Variants in THTPA observed in about 807,000 individuals in gnomAD.
THTPA encodes thiamine-triphosphatase.
Under a neutral mutation model 16.5 loss-of-function variants are expected in THTPA, and 16 were observed. The observed-to-expected ratio is 0.97, with a 90% CI of 0.66 to 1.47. THTPA has a LOEUF of 1.47. THTPA is among the 40% of genes most tolerant of loss of function. The probability of loss-of-function intolerance (pLI) is 0.00; values close to 1 mark genes in which losing one functional copy is unlikely to be tolerated. For synonymous variants in THTPA, 110 were observed against 115.5 expected (o/e 0.95, Z 0.30); for missense variants, 281 against 280.9 (o/e 1.00, Z 0.00).
At chr14:23,524,243 A>C in the THTPA span, 1 of 1,536,180 alleles carries the variant, frequency 6.5e-7, no homozygotes, top group Non-Finnish European at 8.7e-7. This position sits in a 1 kb window ranked among gnomAD's most constrained non-coding sequence, Gnocchi z 5.6. Flanking sequence ...GACCTGTACC[A>C]CTCGCTTTTT....
the THTPA span, chr14:23,522,285 C>G: frequency 6.7e-7 from 1 of 1,502,492 alleles, no homozygotes; most frequent in Non-Finnish European, 8.9e-7. Context: ...TGGGCAGTAG[C>G]CGGGGCCTCC....
At chr14:23,548,333 G>C in the THTPA span, 1 of 152,188 alleles carries the variant, frequency 6.6e-6, no homozygotes, top group Non-Finnish European at 1.5e-5. Flanking sequence ...GTTGTTCTGA[G>C]CTGGGAAGAG....
chr14:23,551,902 C>G (rs1390449422), upstream of THTPA, among the ~76,000 whole-genome samples: 1 of 152,204 alleles, frequency 6.6e-6, no homozygotes, highest in Non-Finnish European at 1.5e-5. This position sits in a 1 kb window ranked among gnomAD's most constrained non-coding sequence, Gnocchi z 5.3. Context: ...GCAGGCCGGC[C>G]AGCCCACCAG....
the THTPA span, chr14:23,523,098 G>A: frequency 7.1e-7 from 1 of 1,404,722 alleles, no homozygotes; most frequent in Non-Finnish European, 9.2e-7. This position sits in a 1 kb window ranked among gnomAD's most constrained non-coding sequence, Gnocchi z 4.1. Flanking sequence ...GCAAAGGAAG[G>A]CCACAGGAGA....
chr14:23,522,543 C>A, the THTPA span: 1 of 1,527,244 alleles, frequency 6.5e-7, no homozygotes, highest in Admixed American at 2.0e-5. Context: ...GGAAATAGCC[C>A]CTTCTTCATG....
chr14:23,522,254 A>T, the THTPA span: 54 of 1,482,006 alleles, frequency 3.6e-5, no homozygotes, highest in African/African-American at 6.4e-4. Flanking sequence ...GCCCCGCCCA[A>T]AGAAGCAGAA....
the THTPA span, chr14:23,524,947 G>A: frequency 6.5e-7 from 1 of 1,536,298 alleles, no homozygotes. The surrounding 1 kb of genome is among the most constrained non-coding windows in gnomAD (Gnocchi z 5.6). Flanking sequence ...CTCCCCCAGT[G>A]CCTCCTCCGG....
the THTPA span, chr14:23,524,994 C>G: frequency 6.5e-7 from 1 of 1,536,218 alleles, no homozygotes; most frequent in Non-Finnish European, 8.7e-7. The surrounding 1 kb of genome is among the most constrained non-coding windows in gnomAD (Gnocchi z 5.6). Context: ...TTTTTGCGTG[C>G]TTTCTGGCGG....
chr14:23,526,720 G>A, the THTPA span: 11 of 1,535,580 alleles, frequency 7.2e-6, no homozygotes, highest in East Asian at 2.4e-5. Flanking sequence ...AGGGAACTTC[G>A]TTTAAGCCAG....
chr14:23,526,379 G>A, the THTPA span: 1 of 1,536,368 alleles, frequency 6.5e-7, no homozygotes, highest in Non-Finnish European at 8.7e-7. Flanking sequence ...ATAGGGCCGG[G>A]CAGGGTCGAG....
chr14:23,534,666 G>A, the THTPA span: 2 of 1,536,206 alleles, frequency 1.3e-6, no homozygotes, highest in Non-Finnish European at 1.7e-6. This position sits in a 1 kb window ranked among gnomAD's most constrained non-coding sequence, Gnocchi z 4.5. Flanking sequence ...GGCCATCTTT[G>A]GGATCTCCGG....
chr14:23,525,376 G>A, the THTPA span: 1 of 1,536,134 alleles, frequency 6.5e-7, no homozygotes, highest in Non-Finnish European at 8.7e-7. The surrounding 1 kb of genome is among the most constrained non-coding windows in gnomAD (Gnocchi z 5.9). Context: ...GGCTGTCATA[G>A]CTCTTTCGAA....
the THTPA span, among the ~76,000 whole-genome samples, chr14:23,519,888 G>A: frequency 0.12 from 18,950 of 152,192 alleles, 1,454 homozygotes; most frequent in South Asian, 0.21. Flanking sequence ...CAACAGCCTG[G>A]AGGGGAGAGA....
chr14:23,538,680 G>A, the THTPA span, among the ~76,000 whole-genome samples: 3 of 152,252 alleles, frequency 2.0e-5, no homozygotes, highest in Admixed American at 2.0e-4. Flanking sequence ...GAGACAAGGC[G>A]ACCCCTGAAA....
upstream of THTPA, among the ~76,000 whole-genome samples, chr14:23,552,495 G>A (rs1291433706): frequency 6.6e-6 from 1 of 151,904 alleles, no homozygotes; most frequent in African/African-American, 2.4e-5. Flanking sequence ...GTTTCACCAC[G>A]TTGGTCAAGC....
the THTPA span, chr14:23,526,749 C>G: frequency 7.8e-6 from 12 of 1,532,874 alleles, no homozygotes; most frequent in Non-Finnish European, 9.6e-6. Flanking sequence ...CACTCAATAC[C>G]AAGGCAGTTG....
chr14:23,557,344 A>T (rs1446543115), intron 1 of THTPA, 40 bp downstream of exon 1: 1 of 1,516,894 alleles, frequency 6.6e-7, no homozygotes, highest in Admixed American at 2.1e-5. Flanking sequence ...CCTGCTCCCC[A>T]CTTTTCTCTT....
the THTPA span, chr14:23,527,863 C>A: frequency 1.3e-4 from 133 of 1,013,966 alleles, no homozygotes; most frequent in Non-Finnish European, 1.7e-4. Flanking sequence ...CCCACCATCA[C>A]ATAGTCCTTT....
chr14:23,531,486 G>A, the THTPA span: 1 of 1,415,780 alleles, frequency 7.1e-7, no homozygotes, highest in Non-Finnish European at 9.3e-7. Context: ...CTCACCGGGA[G>A]TCCGGAGCTG....
Sources: gnomAD v4.1 joint callset for allele counts (sites outside exome capture counted in the v4.1 genomes callset) on GRCh38, gnomAD v4.1.1 for gene constraint, Gnocchi (gnomAD v3.1) non-coding constraint, MANE v1.5 for transcripts, NCBI Gene and HGNC (gene_info 2026-07-23, HGNC 2026-07-21) for gene names.